USH1C: variants seen among roughly 807,000 people sequenced by gnomAD.
USH1C encodes the protein USH1 protein network component harmonin.
USH1C carries 90 observed loss-of-function variants against 119.3 expected under a neutral mutation model. The observed-to-expected ratio is 0.75, with a 90% CI of 0.64 to 0.90. The LOEUF is 0.90. Ranked by LOEUF, USH1C falls within the 40% of genes least tolerant of loss-of-function variation. The probability of loss-of-function intolerance (pLI) is 0.00; values close to 1 mark genes in which losing one functional copy is unlikely to be tolerated. For missense variants in USH1C, 1,165 were observed against 1,167.7 expected, an observed-to-expected ratio of 1.00 and a Z score of 0.03; for synonymous variants, 465 against 443.3, an observed-to-expected ratio of 1.05 and a Z score of -0.62.
chr11:17,526,645 T>C (rs1348109029), intron 7 of USH1C, 108 bp downstream of exon 7: 29 of 1,331,892 alleles, frequency 2.2e-5, no homozygotes, highest in Non-Finnish European at 2.9e-5. Context: ...GGAGCCTGTG[T>C]GAAGCCCCTG....
intron 15 of USH1C, among the ~76,000 whole-genome samples, chr11:17,514,214 T>C (rs1850030852): frequency 6.6e-6 from 1 of 152,048 alleles, no homozygotes. Context: ...ACTGAATCTT[T>C]ATATTATTAT....
chr11:17,516,859 G>A (rs1331119864), intron 14 of USH1C, among the ~76,000 whole-genome samples: 1 of 152,180 alleles, frequency 6.6e-6, no homozygotes, highest in Non-Finnish European at 1.5e-5. Flanking sequence ...AGCAGGAGCG[G>A]GCAGGAGATG....
intron 7 of USH1C, 80 bp from the exon 8 acceptor site, chr11:17,526,521 C>G: frequency 7.6e-7 from 1 of 1,321,986 alleles, no homozygotes; most frequent in Non-Finnish European, 1.1e-6. Context: ...ATCTGCAGGG[C>G]GAGCACTGCT....
At chr11:17,527,587 G>A (rs531742671) in intron 4 of USH1C, among the ~76,000 whole-genome samples, 1 of 152,242 alleles carries the variant, frequency 6.6e-6, no homozygotes, top group Admixed American at 6.5e-5. Context: ...GGGCACAGCG[G>A]GTGTGCAGCA....
chr11:17,539,833 C>CT (rs34881002), intron 1 of USH1C, among the ~76,000 whole-genome samples: 2,000 of 126,156 alleles, frequency 0.016, 43 homozygotes, highest in African/African-American at 0.048. Flanking sequence ...CTTTCTTTTT[C>CT]TTTTTTTTTT....
intron 15 of USH1C, among the ~76,000 whole-genome samples, chr11:17,515,463 G>A (rs530369253): frequency 1.3e-5 from 2 of 152,298 alleles, no homozygotes; most frequent in African/African-American, 4.8e-5. Flanking sequence ...AGCTGCCAGT[G>A]CTCTGGTTTC....
intron 14 of USH1C, among the ~76,000 whole-genome samples, chr11:17,518,726 T>A (rs117564645): frequency 0.019 from 2,882 of 152,248 alleles, 42 homozygotes; most frequent in Non-Finnish European, 0.029. Flanking sequence ...TTTTAAAAAA[T>A]GCAGGGCCCG....
At chr11:17,498,871 C>G (rs1237236178) in intron 23 of USH1C, among the ~76,000 whole-genome samples, 1 of 152,234 alleles carries the variant, frequency 6.6e-6, no homozygotes, top group Non-Finnish European at 1.5e-5. Context: ...ACCACACTGT[C>G]AGCTCCACGT....
chr11:17,516,548 A>G, intron 14 of USH1C: 1 of 520,190 alleles, frequency 1.9e-6, no homozygotes, highest in South Asian at 2.0e-5. Context: ...TCTCCCCAGA[A>G]CACTGGTTTC....
At chr11:17,539,337 G>A (rs958446129) in intron 1 of USH1C, among the ~76,000 whole-genome samples, 4 of 152,136 alleles carry the variant, frequency 2.6e-5, no homozygotes, top group Non-Finnish European at 4.4e-5. Flanking sequence ...TGTGAGTGTG[G>A]TGGTAGAGCC....
rs375443476 is a variant in USH1C, at chr11:17,509,455, C to T, written c.1914G>A (p.Gly638=). 117 of 1,612,820 alleles carry T rather than the reference C, an allele frequency of 7.3e-5. No individual in the cohort carries two copies. The highest frequency in any genetic ancestry group is 9.5e-5 in the Non-Finnish European group (112 of 1,179,394). ...EALSNHPFRT[G]DTGNPVEDWE... ...AGTCCTCCACTGGATTGCCTGTGTC[C>T]CCAGTGCGGAAGGGATGGTTGCTCA... Residue 638 remains glycine (G), a synonymous_variant, in exon 18 of 27, where the codon GGG becomes GGA. Coordinates refer to ENST00000005226, the MANE Select transcript of USH1C (RefSeq NM_153676.4).
chr11:17,520,671 C>T (rs1850368708), intron 14 of USH1C, among the ~76,000 whole-genome samples, 199 bp downstream of exon 14: 1 of 152,108 alleles, frequency 6.6e-6, no homozygotes, highest in Non-Finnish European at 1.5e-5. Context: ...TGGAGCTGGC[C>T]CGTGAACAAG....
intron 8 of USH1C, among the ~76,000 whole-genome samples, chr11:17,525,465 T>C (rs909887980): frequency 2.0e-5 from 3 of 152,258 alleles, no homozygotes; most frequent in African/African-American, 7.2e-5. Context: ...TAGCAGGTAC[T>C]AAGTTTGGCA....
chr11:17,511,956 T>C lies in USH1C; in HGVS notation c.1359A>G (p.Lys453=), dbSNP rs1223166810. 2 of 1,614,108 alleles carry C rather than the reference T, an allele frequency of 1.2e-6. No homozygotes were observed. The highest frequency in any genetic ancestry group is 2.7e-5 in the African/African-American group (2 of 74,938). The change falls in exon 16 of 27, where the codon AAA becomes AAG. Residue 453 remains lysine, a synonymous_variant. Transcript: ENST00000005226. The stretch of plus-strand genomic sequence containing the variant: ...GCTTTTCCTTCTCCAGCATTTCCTC[T>C]TTCTCTTTGTAAAGCTTTTGCTCAA... ...LEFEQKLYKE[K]EEMLEKEKQL...
chr11:17,497,845 T>C, intron 24 of USH1C, among the ~76,000 whole-genome samples: 1 of 152,248 alleles, frequency 6.6e-6, no homozygotes. Flanking sequence ...CCCAGAATTC[T>C]CTTGATTCTT....
Position 17,523,433 on chromosome 11 carries a change from G to C in USH1C, c.805C>G (p.Leu269Val). 6.2e-7 allele frequency: 1 copy of C among 1,614,216 alleles called. No homozygotes were observed. The highest frequency in any genetic ancestry group is 8.5e-7 in the Non-Finnish European group (1 of 1,180,042). ...CCACATCTCACCTCCTTGTGATCCAGGTTAGAGAAGTCGACGCCATTGACT... is the reference window on the plus strand; with the variant it reads ...CCACATCTCACCTCCTTGTGATCCACGTTAGAGAAGTCGACGCCATTGACT... ...VEVNGVDFSN[L>V]DHKEAVNVLK... The change falls in exon 10 of 27, where the codon CTG becomes GTG. Residue 269 changes from leucine to valine, a missense_variant. Leu to Val is a conservative substitution (Grantham distance 32). Transcript: ENST00000005226.
intron 14 of USH1C, among the ~76,000 whole-genome samples, 197 bp downstream of exon 14, chr11:17,520,673 G>A (rs889565600): frequency 5.3e-5 from 8 of 152,176 alleles, no homozygotes; most frequent in East Asian, 3.8e-4. Flanking sequence ...GAGCTGGCCC[G>A]TGAACAAGGG....
chr11:17,524,839 C>A (rs534916807), intron 8 of USH1C, among the ~76,000 whole-genome samples: 1 of 151,330 alleles, frequency 6.6e-6, no homozygotes, highest in South Asian at 2.1e-4. Context: ...TTTACCAGAT[C>A]CTCTTATTTT....
intron 8 of USH1C, 40 bp downstream of exon 8, chr11:17,526,307 C>G (rs771244575): frequency 6.5e-7 from 1 of 1,548,490 alleles, no homozygotes; most frequent in South Asian, 1.1e-5. Context: ...TGCTGGGGTG[C>G]ACTGGCCACG....
Sources: allele counts gnomAD v4.1 joint callset (sites outside exome capture counted in the v4.1 genomes callset), GRCh38; gene constraint gnomAD v4.1.1; transcripts MANE v1.5; gene names NCBI Gene and HGNC (gene_info 2026-07-23, HGNC 2026-07-21).